Variants in PRR16 observed in about 807,000 individuals in gnomAD.
PRR16 encodes protein Largen.
PRR16 carries 6 observed loss-of-function variants against 18.2 expected under a neutral mutation model. That is an observed-to-expected ratio of 0.33 (90% CI 0.18 to 0.65). The LOEUF (loss-of-function observed/expected upper bound fraction) is 0.65. Ranked by LOEUF, PRR16 falls within the 30% of genes least tolerant of loss-of-function variation. PRR16 has a pLI of 0.74. For synonymous variants in PRR16, 151 were observed against 147.8 expected (o/e 1.02, Z -0.16); for missense variants, 412 against 376.6 (o/e 1.09, Z -0.78).
At chr5:120,587,149 A>G (rs1753474170) in intron 1 of PRR16, among the ~76,000 whole-genome samples, 1 of 152,218 alleles carries the variant, frequency 6.6e-6, no homozygotes, top group Non-Finnish European at 1.5e-5. Context: ...AAAGGCTAAA[A>G]GGTGAAGAAG....
intron 1 of PRR16, among the ~76,000 whole-genome samples, chr5:120,573,901 G>GTA (rs1752982133): frequency 1.4e-5 from 1 of 73,714 alleles, no homozygotes; most frequent in African/African-American, 4.9e-5. Flanking sequence ...TATGATATGT[G>GTA]TGTATATATA....
chr5:120,500,616 G>C (rs938272804), intron 1 of PRR16, among the ~76,000 whole-genome samples: 1 of 152,156 alleles, frequency 6.6e-6, no homozygotes, highest in African/African-American at 2.4e-5. Context: ...AGTATGGCAG[G>C]TGCCAAAGAG....
chr5:120,574,099 A>G (rs2112741116), intron 1 of PRR16, among the ~76,000 whole-genome samples: 1 of 152,226 alleles, frequency 6.6e-6, no homozygotes, highest in Middle Eastern at 3.4e-3. Flanking sequence ...AACCTCAAAA[A>G]CATCAATTGG....
At chr5:120,505,157 T>C (rs1419668552) in intron 1 of PRR16, among the ~76,000 whole-genome samples, 1 of 152,192 alleles carries the variant, frequency 6.6e-6, no homozygotes, top group Admixed American at 6.5e-5. Context: ...TCCAAACACT[T>C]TTCTGACTAG....
intron 1 of PRR16, among the ~76,000 whole-genome samples, chr5:120,577,999 T>C (rs1457100682): frequency 1.3e-5 from 2 of 151,580 alleles, no homozygotes; most frequent in Non-Finnish European, 2.9e-5. Context: ...AAAAAATAAA[T>C]ATAATGAAAA....
At chr5:120,708,226 C>T in the PRR16 span, among the ~76,000 whole-genome samples, 12 of 152,266 alleles carry the variant, frequency 7.9e-5, no homozygotes, top group South Asian at 2.5e-3. Flanking sequence ...CATGTATTTA[C>T]TATAAAGTAG....
In PRR16 at chr5:120,686,618, T is replaced by A. The variant is rs761210307; in HGVS notation, c.824T>A (p.Phe275Tyr). 6.2e-7 allele frequency: 1 copy of A among 1,610,418 alleles called. No individual in the cohort carries two copies. The highest frequency in any genetic ancestry group is 8.5e-7 in the Non-Finnish European group (1 of 1,178,090). ...GGMGISHSNS[F>Y]PPIRPATVPP... ...ATGGGAATAAGCCACAGTAACAGCT[T>A]CCCCCCTATCAGACCTGCAACTGTG... The change falls in exon 2 of 2, where the codon TTC (phenylalanine) becomes TAC (tyrosine). Residue 275 changes from phenylalanine (F) to tyrosine (Y), a missense_variant. Coordinates refer to ENST00000407149, the MANE Select transcript of PRR16 (RefSeq NM_001300783.2).
At chr5:120,696,129 C>T in the PRR16 span, among the ~76,000 whole-genome samples, 1 of 152,008 alleles carries the variant, frequency 6.6e-6, no homozygotes, top group South Asian at 2.1e-4. Flanking sequence ...GTAGTCCCAA[C>T]TACTCAGGAG....
intron 1 of PRR16, among the ~76,000 whole-genome samples, chr5:120,467,123 G>T (rs1749129487): frequency 6.6e-6 from 1 of 152,124 alleles, no homozygotes; most frequent in Non-Finnish European, 1.5e-5. Context: ...TTTGGATAAA[G>T]AAATAACAAA....
At chr5:120,586,650 A>C (rs1442237158) in intron 1 of PRR16, among the ~76,000 whole-genome samples, 2 of 152,132 alleles carry the variant, frequency 1.3e-5, no homozygotes, top group Non-Finnish European at 2.9e-5. Flanking sequence ...TGCCTATATA[A>C]GACTTCCAAC....
the PRR16 span, among the ~76,000 whole-genome samples, chr5:120,793,617 A>T: frequency 6.6e-6 from 1 of 152,212 alleles, no homozygotes; most frequent in Non-Finnish European, 1.5e-5. Flanking sequence ...CTAGGTAAAG[A>T]AACAAAAATA....
intron 1 of PRR16, among the ~76,000 whole-genome samples, chr5:120,592,933 T>A (rs2112777158): frequency 6.6e-6 from 1 of 152,248 alleles, no homozygotes; most frequent in East Asian, 1.9e-4. Flanking sequence ...TATAATTTAC[T>A]GCATTTGCAA....
At chr5:120,733,128 CT>C in the PRR16 span, among the ~76,000 whole-genome samples, 1 of 152,058 alleles carries the variant, frequency 6.6e-6, no homozygotes, top group Non-Finnish European at 1.5e-5. Context: ...GTGGTGGTAT[CT>C]TTGGAGTTGT....
chr5:120,569,476 A>G (rs1752837876), intron 1 of PRR16, among the ~76,000 whole-genome samples: 1 of 152,166 alleles, frequency 6.6e-6, no homozygotes, highest in Admixed American at 6.5e-5. Context: ...TGTAATACGC[A>G]CAGATGCAGT....
intron 1 of PRR16, among the ~76,000 whole-genome samples, chr5:120,617,911 G>A (rs924822193): frequency 6.6e-6 from 1 of 151,834 alleles, no homozygotes; most frequent in Non-Finnish European, 1.5e-5. Flanking sequence ...TTTTTTTATT[G>A]CAATTTTCCA....
the PRR16 span, among the ~76,000 whole-genome samples, chr5:120,785,082 C>A: frequency 1.3e-5 from 2 of 152,198 alleles, no homozygotes; most frequent in African/African-American, 2.4e-5. Flanking sequence ...CTCAACTGAA[C>A]AATCTCACAT....
At chr5:120,663,981 T>C (rs999192233) in intron 1 of PRR16, among the ~76,000 whole-genome samples, 1 of 152,210 alleles carries the variant, frequency 6.6e-6, no homozygotes, top group East Asian at 1.9e-4. Flanking sequence ...AGTATGTTGA[T>C]TAAAACAGTT....
In PRR16 at chr5:120,484,602, ATATAT is replaced by A. The variant is rs1175288976; in HGVS notation, c.159+19962_159+19966del. ...ATTTATATATAGTATATAATATATA[ATATAT>A]TATACATATATTGTATATACACTTA... On this transcript the variant is annotated intron_variant, in intron 1 of 1. Coordinates refer to ENST00000407149, the MANE Select transcript of PRR16 (RefSeq NM_001300783.2). 5.5e-5 allele frequency among the ~76,000 whole-genome samples: 8 copies of A among 146,110 alleles called. No individual in the cohort carries two copies. The South Asian group carries it at 8.4e-4, about 15-fold the overall frequency.
chr5:120,571,919 AC>A (rs1370762455), intron 1 of PRR16, among the ~76,000 whole-genome samples: 2 of 152,090 alleles, frequency 1.3e-5, no homozygotes, highest in South Asian at 4.1e-4. Flanking sequence ...CTTGACAGGG[AC>A]ATCTAGAAGG....
Sources: gnomAD v4.1 joint callset for allele counts (sites outside exome capture counted in the v4.1 genomes callset) on GRCh38, gnomAD v4.1.1 for gene constraint, MANE v1.5 for transcripts, NCBI Gene and HGNC (gene_info 2026-07-23, HGNC 2026-07-21) for gene names.